Variants in NRXN1 observed in about 807,000 individuals in gnomAD.
NRXN1 encodes the protein neurexin-1.
NRXN1 carries 39 observed loss-of-function variants against 150.9 expected under a neutral mutation model. The ratio of observed to expected loss-of-function variants is 0.26; its 90% CI spans 0.20 to 0.34. The LOEUF (loss-of-function observed/expected upper bound fraction) is 0.34, where lower values mean the gene tolerates loss of function less well. Among genes scored for constraint, NRXN1 ranks in the 10% least tolerant of loss-of-function variants. NRXN1 has a pLI of 1.00. For missense variants in NRXN1, 1,815 were observed against 1,949.9 expected (o/e 0.93, Z 1.30); for synonymous variants, 924 against 757.0 (o/e 1.22, Z -3.62).
At chr2:50,401,348 G>T (rs2082378410) in intron 17 of NRXN1, among the ~76,000 whole-genome samples, 2 of 152,208 alleles carry the variant, frequency 1.3e-5, no homozygotes, top group South Asian at 4.1e-4. Context: ...CACTGCCCAG[G>T]AGTAGCAGTA....
In NRXN1 at chr2:50,497,446, T is replaced by C. The variant is rs368659197; in HGVS notation, c.2766A>G (p.Gln922=). The change falls in exon 14 of 23, where the codon CAA becomes CAG. Residue 922 remains glutamine, a synonymous_variant. Transcript: ENST00000401669. ...KSSYVALATL[Q]AYTSMHLFFQ... ...AAAAAAGATGCATAGAAGTGTAGGC[T>C]TGCAAGGTAGCTAAGGCAACATAGC... is the stretch of plus-strand genomic sequence containing the variant. 6.2e-7 allele frequency: 1 copy of C among 1,613,712 alleles called. No homozygotes were observed. The highest frequency in any genetic ancestry group is 1.3e-5 in the African/African-American group (1 of 74,916).
At chr2:50,531,072 T>C (rs1251050834) in intron 11 of NRXN1, among the ~76,000 whole-genome samples, 155 bp downstream of exon 11, 1 of 152,136 alleles carries the variant, frequency 6.6e-6, no homozygotes, top group Non-Finnish European at 1.5e-5. Flanking sequence ...AATAAAAAGA[T>C]GCCCCCGAAA....
intron 13 of NRXN1, among the ~76,000 whole-genome samples, chr2:50,499,947 C>CAAAA (rs34753485): frequency 6.8e-5 from 6 of 87,716 alleles, no homozygotes; most frequent in African/African-American, 2.3e-4. Flanking sequence ...GACTCCATCT[C>CAAAA]AAAAAAAAAA....
At chr2:49,963,391 C>T (rs1206983737) in intron 21 of NRXN1, among the ~76,000 whole-genome samples, 2 of 152,096 alleles carry the variant, frequency 1.3e-5, no homozygotes, top group Non-Finnish European at 2.9e-5. Context: ...AGAGGCAAAA[C>T]AAACAGGAAA....
chr2:50,149,661 G>T (rs1031440618), intron 18 of NRXN1, among the ~76,000 whole-genome samples: 7 of 151,564 alleles, frequency 4.6e-5, no homozygotes, highest in African/African-American at 1.7e-4. Flanking sequence ...ACTAAACTGT[G>T]AGCTATTTGG....
intron 17 of NRXN1, among the ~76,000 whole-genome samples, chr2:50,299,097 C>A (rs1468324008): frequency 4.6e-5 from 7 of 152,056 alleles, no homozygotes; most frequent in Admixed American, 4.6e-4. Flanking sequence ...ATCATGTAGA[C>A]CCTTTCAGGA....
At chr2:50,093,690 C>A (rs1699869924) in intron 18 of NRXN1, among the ~76,000 whole-genome samples, 1 of 152,040 alleles carries the variant, frequency 6.6e-6, no homozygotes, top group Non-Finnish European at 1.5e-5. Flanking sequence ...AGTTTCCTAA[C>A]AACCAAACAC....
At chr2:50,122,919 C>A (rs1704064744) in intron 18 of NRXN1, among the ~76,000 whole-genome samples, 1 of 152,118 alleles carries the variant, frequency 6.6e-6, no homozygotes, top group African/African-American at 2.4e-5. Context: ...AGATACAAGG[C>A]TAATTTGGTT....
chr2:50,855,867 T>G (rs999931800), intron 5 of NRXN1, among the ~76,000 whole-genome samples: 2 of 151,928 alleles, frequency 1.3e-5, no homozygotes, highest in African/African-American at 4.8e-5. Context: ...ACTGAATACA[T>G]CATACACGGG....
chr2:50,189,284 C>T (rs1017836926), intron 18 of NRXN1, among the ~76,000 whole-genome samples: 1 of 151,998 alleles, frequency 6.6e-6, no homozygotes, highest in African/African-American at 2.4e-5. Flanking sequence ...CCAAACACTC[C>T]GTGTTCTCAC....
At chr2:50,579,201 A>G (rs1322219855) in intron 8 of NRXN1, among the ~76,000 whole-genome samples, 1 of 152,236 alleles carries the variant, frequency 6.6e-6, no homozygotes, top group Non-Finnish European at 1.5e-5. Context: ...TTTTTGGGCT[A>G]CAGGACCAGG....
intron 17 of NRXN1, among the ~76,000 whole-genome samples, chr2:50,418,444 T>C (rs1156276132): frequency 1.3e-5 from 2 of 152,070 alleles, no homozygotes; most frequent in Non-Finnish European, 2.9e-5. Flanking sequence ...GATCTAACAA[T>C]TGTAAAATCT....
chr2:49,981,762 T>C (rs1378633629), intron 21 of NRXN1, among the ~76,000 whole-genome samples: 1 of 152,024 alleles, frequency 6.6e-6, no homozygotes, highest in African/African-American at 2.4e-5. Context: ...AAAAAATCAG[T>C]GAACAGAAGA....
intron 21 of NRXN1, among the ~76,000 whole-genome samples, chr2:49,979,903 T>C (rs1679681065): frequency 8.6e-6 from 1 of 116,868 alleles, no homozygotes; most frequent in Non-Finnish European, 2.0e-5. Flanking sequence ...TATTGTTTTT[T>C]TGGTTTTTTT....
intron 5 of NRXN1, among the ~76,000 whole-genome samples, chr2:50,655,958 T>C (rs1686391727): frequency 6.6e-6 from 1 of 152,092 alleles, no homozygotes; most frequent in Non-Finnish European, 1.5e-5. Context: ...TTAAACCTAA[T>C]TACCGATACA....
intron 5 of NRXN1, among the ~76,000 whole-genome samples, chr2:50,705,616 C>T (rs959729747): frequency 1.4e-4 from 22 of 152,254 alleles, no homozygotes; most frequent in African/African-American, 5.3e-4. Context: ...TCCAACCTCC[C>T]ACATACAATG....
At chr2:50,830,252 G>A (rs1671229740) in intron 5 of NRXN1, among the ~76,000 whole-genome samples, 1 of 152,044 alleles carries the variant, frequency 6.6e-6, no homozygotes, top group South Asian at 2.1e-4. Flanking sequence ...ATTTCAGACA[G>A]TTCAGTGGAT....
In NRXN1 at chr2:50,828,265, C is replaced by T. The variant is rs1384843853; in HGVS notation, c.832+93604G>A. Reference sequence around the variant, plus strand: ...CTCCCGGACGGGGCGGCTGGCCGGGCGGGGGGCTGACCCCCCCCACCTCCC... The same window carrying T: ...CTCCCGGACGGGGCGGCTGGCCGGGTGGGGGGCTGACCCCCCCCACCTCCC... On this transcript the variant is annotated intron_variant, in intron 5 of 22. Transcript: ENST00000401669. Among the ~76,000 whole-genome samples the T allele has an allele frequency of 7.0e-4, 98 of 140,834 alleles. 1 individual carries two copies. Among genetic ancestry groups the T allele is most frequent in the South Asian group, 4.4e-3 (19 of 4,314 alleles). The allele number at this position is 140,834 out of a possible 152,430, so 92.4% of individuals were successfully genotyped here.
intron 17 of NRXN1, among the ~76,000 whole-genome samples, chr2:50,316,552 T>C (rs866190357): frequency 3.5e-4 from 53 of 152,026 alleles, no homozygotes; most frequent in African/African-American, 1.1e-3. Flanking sequence ...TAGGATAATA[T>C]TTTTACATAA....
Sources: gnomAD v4.1 joint callset for allele counts (sites outside exome capture counted in the v4.1 genomes callset) on GRCh38, gnomAD v4.1.1 for gene constraint, MANE v1.5 for transcripts, NCBI Gene and HGNC (gene_info 2026-07-23, HGNC 2026-07-21) for gene names.